The following NFKB2 variants were observed in gnomAD, a reference collection of about 807,000 sequenced individuals.
The protein encoded by NFKB2 is nuclear factor kappa B subunit 2, also known as nuclear factor NF-kappa-B p100 subunit.
In NFKB2, 21 loss-of-function variants were observed where a neutral mutation model predicts 109.3. That is an observed-to-expected ratio of 0.19 (90% confidence interval 0.14 to 0.28). NFKB2 has a LOEUF of 0.28. Ranked by LOEUF, NFKB2 falls within the 10% of genes least tolerant of loss-of-function variation. The pLI, the probability that NFKB2 is intolerant of heterozygous loss-of-function variation, is 1.00. For synonymous variants in NFKB2, 478 were observed against 489.9 expected (o/e 0.98, Z 0.32); for missense variants, 806 against 1,185.3 (o/e 0.68, Z 4.70).
chr10:102,396,580 C>T lies in NFKB2; in HGVS notation c.144+91C>T, dbSNP rs1346387006. The stretch of plus-strand genomic sequence containing the variant: ...TGGCTGGCCATGGAGGAGCCATTGC[C>T]GAAGGAGGCCACAGGGGATTGGATG... On this transcript the variant is annotated intron_variant, in intron 4 of 22. Coordinates refer to ENST00000661543, the MANE Select transcript of NFKB2 (RefSeq NM_001322934.2). This position sits in a 1 kb window ranked among gnomAD's most constrained non-coding sequence, Gnocchi z 5.9. 4 of 1,595,654 alleles carry T rather than the reference C, an allele frequency of 2.5e-6. No individual in the cohort carries two copies. The highest frequency in any genetic ancestry group is 2.2e-5 in the East Asian group (1 of 44,714).
In NFKB2 at chr10:102,400,708, C is replaced by A. The variant is rs1360495381; in HGVS notation, c.1852C>A (p.Leu618Met). Residue 618 changes from leucine to methionine, a missense_variant, in exon 17 of 23, where the codon CTG becomes ATG. By Grantham distance (15) the Leu-to-Met change is conservative. Transcript: ENST00000661543. This position sits in a 1 kb window ranked among gnomAD's most constrained non-coding sequence, Gnocchi z 6.3. ...VRARSPECLD[L>M]LVDSGAEVEA... ...AGCCCGAAGCCCTGAGTGCCTGGAT[C>A]TGCTGGTGGACAGTGGGGCTGAAGT... is the stretch of plus-strand genomic sequence containing the variant. 1 of 1,613,916 alleles carries A rather than the reference C, an allele frequency of 6.2e-7. No homozygotes were observed. The highest frequency in any genetic ancestry group is 1.3e-5 in the African/African-American group (1 of 74,898).
At position 102,397,756 on chromosome 10, in the gene NFKB2, G is replaced by A; in HGVS notation, c.661+71G>A. On this transcript the variant is annotated intron_variant, in intron 8 of 22. Coordinates refer to ENST00000661543, the MANE Select transcript of NFKB2 (RefSeq NM_001322934.2). This position sits in a 1 kb window ranked among gnomAD's most constrained non-coding sequence, Gnocchi z 4.7. ...GGCATGAGGGGTGACCTCAAGCTGT[G>A]CAGTCAAACAGACCCAGGTTTCAGA... 6.5e-7 allele frequency: 1 copy of A among 1,545,988 alleles called. No homozygotes were observed. The highest frequency in any genetic ancestry group is 8.8e-7 in the Non-Finnish European group (1 of 1,137,076).
At chr10:102,399,836 A>G in intron 14 of NFKB2, 118 bp downstream of exon 14, 1 of 1,389,560 alleles carries the variant, frequency 7.2e-7, no homozygotes, top group Non-Finnish European at 9.5e-7. Context: ...CTCGGTGTTC[A>G]CAAGCTCTGT....
At position 102,399,273 on chromosome 10, in the gene NFKB2, T is replaced by A; in HGVS notation, c.1118-15T>A. The A allele has an allele frequency of 6.3e-7, 1 of 1,578,860 alleles. No homozygotes were observed. Among genetic ancestry groups the A allele is most frequent in the Admixed American group, 1.8e-5 (1 of 55,990 alleles). On this transcript the variant is annotated splice_polypyrimidine_tract_variant and intron_variant, in intron 12 of 22. Coordinates refer to ENST00000661543, the MANE Select transcript of NFKB2 (RefSeq NM_001322934.2). ...GGCTGGTGCCCGCTTCCCACAGCCC[T>A]GCCTGTATCCACAGGTGGCAGCCTC...
chr10:102,399,386 C>A lies in NFKB2; in HGVS notation c.1216C>A (p.Gln406Lys). Reference protein sequence around the residue: ...GCYPGGGGGAQMAATVPSRDS... With the variant: ...GCYPGGGGGAKMAATVPSRDS... ...CTACCCGGGAGGCGGGGGCGGGGCG[C>A]AGATGGCCGCCACGGTGCCCAGCAG... Residue 406 changes from glutamine (Q) to lysine (K), a missense_variant, in exon 13 of 23, where the codon CAG (glutamine) becomes AAG (lysine). This residue lies in a region of NFKB2 where 209 missense variants were observed against 211.9 expected (regional missense o/e 0.99). Transcript: ENST00000661543. 6.5e-7 allele frequency: 1 copy of A among 1,543,296 alleles called. No individual in the cohort carries two copies. The highest frequency in any genetic ancestry group is 8.7e-7 in the Non-Finnish European group (1 of 1,143,928).
rs1589857266 is a variant in NFKB2 at position 102,395,894 on chromosome 10, G to C, written c.-66G>C. 6.3e-7 allele frequency: 1 copy of C among 1,593,256 alleles called. No homozygotes were observed. Among genetic ancestry groups the C allele is most frequent in the East Asian group, 2.2e-5 (1 of 44,504 alleles). ...CCACTCCTCCCAACTTTAGGCGGGC[G>C]TCTAAAATTCTGGGAAGCAGAACCT... On this transcript the variant is annotated 5_prime_UTR_variant, in exon 2 of 23. Coordinates refer to ENST00000661543, the MANE Select transcript of NFKB2 (RefSeq NM_001322934.2).
At position 102,398,839 on chromosome 10, in the gene NFKB2, C is replaced by T. The variant is rs570193424; in HGVS notation, c.1092C>T (p.Ala364=). ...SHMGGGSGGA[A]GGYGGAGGGG... Reference sequence around the variant, plus strand: ...TGGGTGGAGGCTCTGGGGGTGCAGCCGGGGGCTACGGAGGAGCTGGAGGAG... The same window carrying T: ...TGGGTGGAGGCTCTGGGGGTGCAGCTGGGGGCTACGGAGGAGCTGGAGGAG... The change falls in exon 12 of 23, where the codon GCC becomes GCT. Residue 364 remains alanine (A), a synonymous_variant. Transcript: ENST00000661543. The surrounding 1 kb of genome is among the most constrained non-coding windows in gnomAD (Gnocchi z 6.6). 1.0e-5 allele frequency: 16 copies of T among 1,601,852 alleles called. No homozygotes were observed. The highest frequency in any genetic ancestry group is 4.5e-5 in the East Asian group (2 of 44,784).
Position 102,396,262 on chromosome 10 carries a change from G to A in NFKB2, c.31G>A (p.Gly11Ser). The A allele has an allele frequency of 1.9e-6, 3 of 1,607,342 alleles. No homozygotes were observed. The highest frequency in any genetic ancestry group is 2.6e-6 in the Non-Finnish European group (3 of 1,174,338). Reference sequence around the variant, plus strand: ...TCTGTCTCCAAACCAGGGTCTGGATGGTATTATTGAATATGATGATTTCAA... The same window carrying A: ...TCTGTCTCCAAACCAGGGTCTGGATAGTATTATTGAATATGATGATTTCAA... Reference protein sequence around the residue: MESCYNPGLDGIIEYDDFKLN... With the variant: MESCYNPGLDSIIEYDDFKLN... The change falls in exon 3 of 23, where the codon GGT becomes AGT. Residue 11 changes from glycine to serine, a missense_variant. Gly to Ser is a moderately conservative substitution (Grantham distance 56, BLOSUM62 0). Around this residue, in one of 10 missense-constraint regions of NFKB2, gnomAD observed 39 missense variants for 35.6 expected, o/e 1.09. Transcript: ENST00000661543. This position sits in a 1 kb window ranked among gnomAD's most constrained non-coding sequence, Gnocchi z 5.9.
upstream of NFKB2, among the ~76,000 whole-genome samples, chr10:102,395,092 T>C (rs114444088): frequency 0.032 from 972 of 30,758 alleles, 15 homozygotes; most frequent in African/African-American, 0.11. Context: ...GACACACTCT[T>C]GTATTAGGTG....
Position 102,398,861 on chromosome 10 carries a change from G to A in NFKB2, c.1114G>A (p.Gly372Arg). The A allele has an allele frequency of 6.3e-7, 1 of 1,590,962 alleles. No homozygotes were observed. The highest frequency in any genetic ancestry group is 8.5e-7 in the Non-Finnish European group (1 of 1,169,890). ...GAAGGYGGAG[G>R]GGSLGFFPSS... ...AGCCGGGGGCTACGGAGGAGCTGGA[G>A]GAGGTGAGGGGGTACTGATGGAGGG... The change falls in exon 12 of 23, where the codon GGA (glycine) becomes AGA (arginine). Residue 372 changes from glycine (G) to arginine (R), a missense_variant. This residue lies in a region of NFKB2 where 209 missense variants were observed against 211.9 expected (regional missense o/e 0.99). Transcript: ENST00000661543. This position sits in a 1 kb window ranked among gnomAD's most constrained non-coding sequence, Gnocchi z 6.6.
At position 102,399,650 on chromosome 10, in the gene NFKB2, C is replaced by A. The variant is rs1472622152; in HGVS notation, c.1401C>A (p.Thr467=). 2.0e-6 allele frequency: 3 copies of A among 1,534,912 alleles called. No homozygotes were observed. Among genetic ancestry groups the A allele is most frequent in the East Asian group, 5.0e-5 (2 of 40,400 alleles). Residue 467 remains threonine, a synonymous_variant, in exon 14 of 23, where the codon ACC becomes ACA. Transcript: ENST00000661543. ...SARALLDYGV[T]ADARALLAGQ... Reference sequence around the variant, plus strand: ...GAGCCCTACTCGACTACGGCGTCACCGCGGACGCGCGCGCGCTGCTGGCGG... The same window carrying A: ...GAGCCCTACTCGACTACGGCGTCACAGCGGACGCGCGCGCGCTGCTGGCGG...
chr10:102,399,908 C>A, intron 14 of NFKB2, 172 bp from the exon 15 acceptor site: 1 of 1,054,328 alleles, frequency 9.5e-7, no homozygotes, highest in Non-Finnish European at 1.4e-6. Context: ...ACAGTCATAG[C>A]ACTTACCTAC....
Position 102,399,310 on chromosome 10 carries a change from C to T in NFKB2, c.1140C>T (p.Pro380=). 6.3e-7 allele frequency: 1 copy of T among 1,599,094 alleles called. No individual in the cohort carries two copies. Among genetic ancestry groups the T allele is most frequent in the African/African-American group, 1.3e-5 (1 of 74,620 alleles). ...CAGGTGGCAGCCTCGGTTTCTTCCC[C>T]TCCTCCCTGGCCTACAGCCCCTACC... is the stretch of plus-strand genomic sequence containing the variant. ...AGGGGSLGFF[P]SSLAYSPYQS... Residue 380 remains proline (P), a synonymous_variant, in exon 13 of 23, where the codon CCC becomes CCT. Coordinates refer to ENST00000661543, the MANE Select transcript of NFKB2 (RefSeq NM_001322934.2).
Position 102,398,320 on chromosome 10 carries a change from C to A in NFKB2, c.852+23C>A. ...CAGGTACCCAGGGCTAGGGCCCGGGCCCGGGCTGGGGGCTAAATTAGGCTA... is the reference window on the plus strand; with the variant it reads ...CAGGTACCCAGGGCTAGGGCCCGGGACCGGGCTGGGGGCTAAATTAGGCTA... On this transcript the variant is annotated intron_variant, in intron 10 of 22. Transcript: ENST00000661543. This position sits in a 1 kb window ranked among gnomAD's most constrained non-coding sequence, Gnocchi z 6.6. 3 of 1,614,074 alleles carry A rather than the reference C, an allele frequency of 1.9e-6. No individual in the cohort carries two copies. The highest frequency in any genetic ancestry group is 2.5e-6 in the Non-Finnish European group (3 of 1,180,004).
Position 102,398,336 on chromosome 10 carries a change from A to G in NFKB2, c.852+39A>G, listed in dbSNP as rs757253178. 1 of 1,614,058 alleles carries G rather than the reference A, an allele frequency of 6.2e-7. No homozygotes were observed. Among genetic ancestry groups the G allele is most frequent in the Non-Finnish European group, 8.5e-7 (1 of 1,180,000 alleles). On this transcript the variant is annotated intron_variant, in intron 10 of 22. Transcript: ENST00000661543. The surrounding 1 kb of genome is among the most constrained non-coding windows in gnomAD (Gnocchi z 6.6). The stretch of plus-strand genomic sequence containing the variant: ...GGGCCCGGGCCCGGGCTGGGGGCTA[A>G]ATTAGGCTAAGGACTCACTGACACC...
In NFKB2 at chr10:102,398,458, T is replaced by G. The variant is rs2061155438; in HGVS notation, c.926T>G (p.Leu309Arg). The change falls in exon 11 of 23, where the codon CTG becomes CGG. Residue 309 changes from leucine (L) to arginine (R), a missense_variant. Leu to Arg is a moderately radical substitution (Grantham distance 102, BLOSUM62 -2). Around this residue, in one of 10 missense-constraint regions of NFKB2, gnomAD observed 64 missense variants for 177.4 expected, o/e 0.36. Transcript: ENST00000661543. The surrounding 1 kb of genome is among the most constrained non-coding windows in gnomAD (Gnocchi z 6.6). ...CGGCCTGTAACAGTGTTTCTGCAAC[T>G]GAAACGCAAGCGAGGAGGGGACGTG... ...IERPVTVFLQ[L>R]KRKRGGDVSD... 6.2e-7 allele frequency: 1 copy of G among 1,614,062 alleles called. No individual in the cohort carries two copies. Among genetic ancestry groups the G allele is most frequent in the Admixed American group, 1.7e-5 (1 of 60,006 alleles).
rs1369275629 is a variant in NFKB2, at chr10:102,395,725, G to A, written c.-144G>A. ...GCTCTAACTTTCCTGCCCCTTCCCCGGCCAAGCCCAACTCCGGATCTCGCT... is the reference window on the plus strand; with the variant it reads ...GCTCTAACTTTCCTGCCCCTTCCCCAGCCAAGCCCAACTCCGGATCTCGCT... On this transcript the variant is annotated 5_prime_UTR_variant, in exon 1 of 23. Coordinates refer to ENST00000661543, the MANE Select transcript of NFKB2 (RefSeq NM_001322934.2). 1.7e-6 allele frequency: 1 copy of A among 591,270 alleles called. No individual in the cohort carries two copies. Among genetic ancestry groups the A allele is most frequent in the Admixed American group, 2.9e-5 (1 of 34,350 alleles). The allele number at this position is 591,270 out of a possible 1,614,324, so 36.6% of individuals were successfully genotyped here. A position where few individuals can be genotyped will look rare whatever the true frequency, so the allele number is the denominator to read the frequency against.
In NFKB2 at chr10:102,397,871, G is replaced by A. The variant is rs2061145091; in HGVS notation, c.662-110G>A. 3 of 1,289,904 alleles carry A rather than the reference G, an allele frequency of 2.3e-6. No individual in the cohort carries two copies. Among genetic ancestry groups the A allele is most frequent in the South Asian group, 1.3e-5 (1 of 78,766 alleles). 79.9% of individuals were successfully genotyped at this position (1,289,904 alleles called of 1,614,324 possible). A position where few individuals can be genotyped will look rare whatever the true frequency, so the allele number is the denominator to read the frequency against. On this transcript the variant is annotated intron_variant, in intron 8 of 22. Transcript: ENST00000661543. The surrounding 1 kb of genome is among the most constrained non-coding windows in gnomAD (Gnocchi z 4.7). ...TCTTTAGTAAATGTGTATATTGGGT[G>A]TTTCCTGCAGCTCCAGGGGTTGCTG... is the stretch of plus-strand genomic sequence containing the variant.
Position 102,401,603 on chromosome 10 carries a change from C to G in NFKB2, c.2293+85C>G. The G allele has an allele frequency of 6.5e-7, 1 of 1,544,192 alleles. No homozygotes were observed. On this transcript the variant is annotated intron_variant, in intron 20 of 22. Coordinates refer to ENST00000661543, the MANE Select transcript of NFKB2 (RefSeq NM_001322934.2). This position sits in a 1 kb window ranked among gnomAD's most constrained non-coding sequence, Gnocchi z 4.2. ...CCTTCAGGACCTCTGAAGGAGGCCT[C>G]CCTTTCTCTACCCTCAGCCCCGTCC...
Sources: allele counts gnomAD v4.1 joint callset (sites outside exome capture counted in the v4.1 genomes callset), GRCh38; gene constraint gnomAD v4.1.1; regional missense constraint gnomAD v4.1.1; non-coding constraint Gnocchi (gnomAD v3.1); transcripts MANE v1.5; gene names NCBI Gene and HGNC (gene_info 2026-07-23, HGNC 2026-07-21).